LRP1: variants seen among roughly 807,000 people sequenced by gnomAD.
LRP1 encodes the protein LDL receptor related protein 1, also known as prolow-density lipoprotein receptor-related protein 1.
Under a neutral mutation model 541.5 loss-of-function variants are expected in LRP1, and 51 were observed. The ratio of observed to expected loss-of-function variants is 0.09; its 90% CI spans 0.08 to 0.12. The LOEUF is 0.12. Among genes scored for constraint, LRP1 ranks in the 10% least tolerant of loss-of-function variants. The pLI is 1.00. For synonymous variants in LRP1, 2,219 were observed against 2,470.8 expected, an observed-to-expected ratio of 0.90 and a Z score of 3.02; for missense variants, 3,878 against 6,376.2, an observed-to-expected ratio of 0.61 and a Z score of 13.34.
intron 44 of LRP1, among the ~76,000 whole-genome samples, 197 bp downstream of exon 44, chr12:57,191,709 C>T (rs1424883383): frequency 3.4e-5 from 5 of 147,410 alleles, no homozygotes; most frequent in Admixed American, 3.4e-4. Context: ...CACATACACA[C>T]CACACCATAC....
In LRP1 at chr12:57,145,955, ACT is replaced by A. The variant is rs543717791; in HGVS notation, c.841+470_841+471del. On this transcript the variant is annotated intron_variant, in intron 6 of 88. Transcript: ENST00000243077. Reference sequence around the variant, plus strand: ...TTCCCTCGGGGACCATTGCCAATGGACTCTCTGCTGCCATCGGGGGAGGGCAG... The same window carrying A: ...TTCCCTCGGGGACCATTGCCAATGGACTCTGCTGCCATCGGGGGAGGGCAG... Among the ~76,000 whole-genome samples the A allele has an allele frequency of 4.7e-5, 7 of 150,408 alleles. No individual in the cohort carries two copies. The South Asian group carries it at 1.1e-3, about 23-fold the overall frequency.
chr12:57,210,633 C>A (rs981516654), intron 82 of LRP1, 85 bp from the exon 83 acceptor site: 1 of 1,504,600 alleles, frequency 6.6e-7, no homozygotes. Context: ...CTGCTTCTCG[C>A]CCAGGTCCCC....
intron 41 of LRP1, among the ~76,000 whole-genome samples, chr12:57,187,043 G>T (rs1021112215): frequency 2.0e-5 from 3 of 152,220 alleles, no homozygotes; most frequent in South Asian, 4.1e-4. Context: ...GTGGGAGAGG[G>T]TTGAGAGGTG....
At chr12:57,194,035 A>G in intron 48 of LRP1, 23 bp downstream of exon 48, 2 of 1,602,632 alleles carry the variant, frequency 1.2e-6, no homozygotes, top group Non-Finnish European at 1.7e-6. Context: ...CTTTGCTGGC[A>G]CCTCCTGGGC....
At position 57,204,400 on chromosome 12, in the gene LRP1, C is replaced by T; in HGVS notation, c.10952-10C>T. On this transcript the variant is annotated splice_polypyrimidine_tract_variant and intron_variant, in intron 70 of 88. Coordinates refer to ENST00000243077, the MANE Select transcript of LRP1 (RefSeq NM_002332.3). This position sits in a 1 kb window ranked among gnomAD's most constrained non-coding sequence, Gnocchi z 5.3. Reference sequence around the variant, plus strand: ...GGCTCATTCTATCTCTTGGCTCCCCCTGGCACCAGTGCGGACCTGCCCCCT... The same window carrying T: ...GGCTCATTCTATCTCTTGGCTCCCCTTGGCACCAGTGCGGACCTGCCCCCT... 4 of 1,518,728 alleles carry T rather than the reference C, an allele frequency of 2.6e-6. No homozygotes were observed. Among genetic ancestry groups the T allele is most frequent in the Non-Finnish European group, 2.6e-6 (3 of 1,132,080 alleles). 94.1% of individuals were successfully genotyped at this position (1,518,728 alleles called of 1,614,324 possible). A position where few individuals can be genotyped will look rare whatever the true frequency, so the allele number is the denominator to read the frequency against.
intron 22 of LRP1, 37 bp downstream of exon 22, chr12:57,174,017 G>T: frequency 6.2e-7 from 1 of 1,601,176 alleles, no homozygotes; most frequent in Non-Finnish European, 8.5e-7. Context: ...AGGGAGGGTG[G>T]CTGGGTAGGA....
At position 57,141,468 on chromosome 12, in the gene LRP1, C is replaced by A. The variant is rs763232959; in HGVS notation, c.285C>A (p.Val95=). 6.2e-7 allele frequency: 1 copy of A among 1,614,162 alleles called. No individual in the cohort carries two copies. The highest frequency in any genetic ancestry group is 2.2e-5 in the East Asian group (1 of 44,876). ...CCATGTCCCGCCTCTGCAATGGGGT[C>A]CAGGACTGCATGGACGGCTCAGATG... ...CVPMSRLCNG[V]QDCMDGSDEG... is the part of the protein sequence containing the mutation. Residue 95 remains valine, a synonymous_variant, in exon 3 of 89, where the codon GTC becomes GTA. Transcript: ENST00000243077.
Position 57,212,195 on chromosome 12 carries a change from C to T in LRP1, c.13428C>T (p.Tyr4476=), listed in dbSNP as rs780858219. ...TTGGAAACCCCACCTACAAGATGTACGAAGGCGGAGAGCCTGATGATGTGG... is the reference window on the plus strand; with the variant it reads ...TTGGAAACCCCACCTACAAGATGTATGAAGGCGGAGAGCCTGATGATGTGG... ...VEIGNPTYKM[Y]EGGEPDDVGG... Residue 4476 remains tyrosine, a synonymous_variant, in exon 88 of 89, where the codon TAC becomes TAT. Transcript: ENST00000243077. This position sits in a 1 kb window ranked among gnomAD's most constrained non-coding sequence, Gnocchi z 5.0. 1.2e-5 allele frequency: 20 copies of T among 1,613,880 alleles called. No homozygotes were observed. The highest frequency in any genetic ancestry group is 1.0e-4 in the Admixed American group (6 of 60,006).
intron 46 of LRP1, 79 bp from the exon 47 acceptor site, chr12:57,193,487 G>A: frequency 6.4e-7 from 1 of 1,564,424 alleles, no homozygotes. Flanking sequence ...TGGCCAGCTG[G>A]ACACGTGCAT....
At chr12:57,176,863 CAA>C (rs375688316) in intron 24 of LRP1, among the ~76,000 whole-genome samples, 176 bp from the exon 25 acceptor site, 28 of 128,556 alleles carry the variant, frequency 2.2e-4, no homozygotes, top group Admixed American at 3.1e-4. Context: ...GACCCTGTCT[CAA>C]AAAAAAAAAA....
At chr12:57,134,791 G>A (rs1379227993) in intron 1 of LRP1, among the ~76,000 whole-genome samples, 1 of 151,964 alleles carries the variant, frequency 6.6e-6, no homozygotes, top group Non-Finnish European at 1.5e-5. Flanking sequence ...TGCAAGCTCC[G>A]CCTCCCCTGG....
At chr12:57,135,716 C>T (rs532352643) in intron 1 of LRP1, among the ~76,000 whole-genome samples, 1 of 152,350 alleles carries the variant, frequency 6.6e-6, no homozygotes, top group African/African-American at 2.4e-5. Flanking sequence ...TCACTTGTCC[C>T]ATCCCCCATC....
chr12:57,144,245 A>G (rs1401808213), intron 4 of LRP1, among the ~76,000 whole-genome samples: 1 of 152,180 alleles, frequency 6.6e-6, no homozygotes, highest in Non-Finnish European at 1.5e-5. Flanking sequence ...TACATAAACA[A>G]TAGTATACTG....
intron 60 of LRP1, 55 bp from the exon 61 acceptor site, chr12:57,199,157 G>A: frequency 2.6e-6 from 4 of 1,562,826 alleles, no homozygotes; most frequent in Non-Finnish European, 3.5e-6. Flanking sequence ...GAGTGGGCCG[G>A]CACCCTGTCC....
At chr12:57,171,279 C>T (rs1380048132) in intron 20 of LRP1, among the ~76,000 whole-genome samples, 1 of 152,134 alleles carries the variant, frequency 6.6e-6, no homozygotes, top group East Asian at 1.9e-4. Context: ...CAGTTGTTAA[C>T]TATGGTATGA....
chr12:57,200,352 A>C, intron 62 of LRP1, 90 bp from the exon 63 acceptor site: 1 of 848,620 alleles, frequency 1.2e-6, no homozygotes, highest in Non-Finnish European at 2.0e-6. Flanking sequence ...CCCTGCCTCA[A>C]CTTCTTTGAA....
Position 57,176,059 on chromosome 12 carries a change from A to G in LRP1, c.3944A>G (p.Asp1315Gly). ...AGCCAGAGCGCCCTCTACTGGACCGACGTGGTGGAGGACAAGATCTACCGC... is the reference window on the plus strand; with the variant it reads ...AGCCAGAGCGCCCTCTACTGGACCGGCGTGGTGGAGGACAAGATCTACCGC... ...HLSQSALYWT[D>G]VVEDKIYRGK... Residue 1315 changes from aspartate (D) to glycine (G), a missense_variant, in exon 24 of 89, where the codon GAC (aspartate) becomes GGC (glycine). By Grantham distance (94) the Asp-to-Gly change is moderately conservative. This residue lies in a region of LRP1 where 320 missense variants were observed against 547.9 expected (regional missense o/e 0.58). Coordinates refer to ENST00000243077, the MANE Select transcript of LRP1 (RefSeq NM_002332.3). The G allele has an allele frequency of 6.2e-7, 1 of 1,614,222 alleles. No individual in the cohort carries two copies. The highest frequency in any genetic ancestry group is 8.5e-7 in the Non-Finnish European group (1 of 1,180,042).
At chr12:57,170,686 A>G (rs1321112190) in intron 20 of LRP1, among the ~76,000 whole-genome samples, 1 of 152,060 alleles carries the variant, frequency 6.6e-6, no homozygotes. Context: ...CTGGGCATGG[A>G]GGCACATGCC....
intron 13 of LRP1, among the ~76,000 whole-genome samples, chr12:57,161,464 ACT>A (rs889802359): frequency 3.7e-4 from 56 of 151,726 alleles, no homozygotes; most frequent in African/African-American, 1.3e-3. Context: ...GTGTGTCTGC[ACT>A]CTCTGCAAGT....
Sources: gnomAD v4.1 joint callset for allele counts (sites outside exome capture counted in the v4.1 genomes callset) on GRCh38, gnomAD v4.1.1 for gene constraint, gnomAD v4.1.1 regional missense constraint, Gnocchi (gnomAD v3.1) non-coding constraint, MANE v1.5 for transcripts, NCBI Gene and HGNC (gene_info 2026-07-23, HGNC 2026-07-21) for gene names.